Variants in TMEM131L observed in about 807,000 individuals in gnomAD.
The protein encoded by TMEM131L is transmembrane protein 131-like.
TMEM131L carries 54 observed loss-of-function variants against 192.2 expected under a neutral mutation model. The observed-to-expected ratio is 0.28, with a 90% CI of 0.23 to 0.35. The LOEUF (loss-of-function observed/expected upper bound fraction) is 0.35. Ranked by LOEUF, TMEM131L falls within the 10% of genes least tolerant of loss-of-function variation. TMEM131L has a pLI of 1.00. For missense variants in TMEM131L, 1,888 were observed against 1,972.9 expected (o/e 0.96, Z 0.82); for synonymous variants, 701 against 704.9 (o/e 0.99, Z 0.09).
chr4:153,481,757 C>G (rs531092755), intron 3 of TMEM131L, among the ~76,000 whole-genome samples: 1 of 152,078 alleles, frequency 6.6e-6, no homozygotes, highest in Admixed American at 6.5e-5. Flanking sequence ...AGTCTTGTCT[C>G]GAACTCCTGG....
At chr4:153,517,276 C>T (rs534550850) in intron 3 of TMEM131L, among the ~76,000 whole-genome samples, 12 of 152,264 alleles carry the variant, frequency 7.9e-5, no homozygotes, top group East Asian at 1.9e-4. Flanking sequence ...CTTCCTGTGC[C>T]GCCTCCAGAC....
At chr4:153,585,716 C>T (rs1305281482) in intron 13 of TMEM131L, 105 bp downstream of exon 13, 1 of 660,990 alleles carries the variant, frequency 1.5e-6, no homozygotes, top group Non-Finnish European at 2.2e-6. Flanking sequence ...ATTCCAAATG[C>T]TATGAAGTTA....
chr4:153,582,419 CGTTTTTTTTT>C (rs1730401851), intron 9 of TMEM131L, among the ~76,000 whole-genome samples: 1 of 117,998 alleles, frequency 8.5e-6, no homozygotes, highest in African/African-American at 3.8e-5. Flanking sequence ...TAATTTAAAC[CGTTTTTTTTT>C]GTTGTTTTTT....
At chr4:153,487,719 TGAGAGAGA>T (rs1554020496) in intron 3 of TMEM131L, among the ~76,000 whole-genome samples, 16 of 143,530 alleles carry the variant, frequency 1.1e-4, no homozygotes, top group Middle Eastern at 3.4e-3. Flanking sequence ...TGTGTGTGTG[TGAGAGAGA>T]GAGAGAGAGA....
intron 3 of TMEM131L, among the ~76,000 whole-genome samples, chr4:153,505,732 C>G (rs1197051899): frequency 1.3e-5 from 2 of 152,046 alleles, no homozygotes; most frequent in African/African-American, 4.8e-5. Context: ...ATCTTATACC[C>G]CTAAATGAGT....
chr4:153,491,642 A>G (rs948999056), intron 3 of TMEM131L, among the ~76,000 whole-genome samples: 1 of 152,100 alleles, frequency 6.6e-6, no homozygotes, highest in African/African-American at 2.4e-5. Flanking sequence ...TACACATTTA[A>G]TATAATTAGT....
intron 14 of TMEM131L, 45 bp from the exon 15 acceptor site, chr4:153,587,697 T>G (rs1298195068): frequency 5.9e-6 from 8 of 1,359,086 alleles, no homozygotes; most frequent in Non-Finnish European, 8.4e-6. Context: ...ATTTTTATGT[T>G]TAGTGCTGTG....
chr4:153,477,450 C>T (rs112144159), intron 3 of TMEM131L, among the ~76,000 whole-genome samples: 1,733 of 152,258 alleles, frequency 0.011, 31 homozygotes, highest in African/African-American at 0.039. Context: ...TTATTCAGCA[C>T]TAGTTTCTTT....
intron 3 of TMEM131L, among the ~76,000 whole-genome samples, chr4:153,491,112 G>A (rs1452466336): frequency 6.6e-6 from 1 of 152,136 alleles, no homozygotes; most frequent in East Asian, 1.9e-4. Context: ...CAGATATCAA[G>A]TAACCTGATC....
At chr4:153,525,499 C>T (rs1164503615) in intron 3 of TMEM131L, among the ~76,000 whole-genome samples, 1 of 152,072 alleles carries the variant, frequency 6.6e-6, no homozygotes, top group Non-Finnish European at 1.5e-5. Context: ...GCCACCACAC[C>T]TGGCTAATTT....
chr4:153,600,327 A>G lies in TMEM131L; in HGVS notation c.2266+1595A>G, dbSNP rs539544539. On this transcript the variant is annotated intron_variant, in intron 21 of 34. Coordinates refer to ENST00000409959, the MANE Select transcript of TMEM131L (RefSeq NM_001131007.2). ...GTCTGCAGTGAGCTACGATCATGCC[A>G]CTGCACTCCAGCGTGGGTGACAGAG... Among the ~76,000 whole-genome samples the G allele has an allele frequency of 6.6e-5, 10 of 151,852 alleles. No individual in the cohort carries two copies. In the South Asian group the frequency reaches 2.1e-3, roughly 32 times the overall value.
chr4:153,566,623 G>T lies in TMEM131L; in HGVS notation c.660+8255G>T, dbSNP rs535393444. ...TAAGGATATTTTGGGATTATCAGAAGGTATAATGTGATTATAAGAAAACAT... is the reference window on the plus strand; with the variant it reads ...TAAGGATATTTTGGGATTATCAGAATGTATAATGTGATTATAAGAAAACAT... On this transcript the variant is annotated intron_variant, in intron 7 of 34. Transcript: ENST00000409959. Among the ~76,000 whole-genome samples the T allele has an allele frequency of 1.3e-4, 20 of 151,698 alleles. No individual in the cohort carries two copies. The South Asian group carries it at 3.6e-3, about 27-fold the overall frequency.
At chr4:153,488,756 C>T (rs781322925) in intron 3 of TMEM131L, among the ~76,000 whole-genome samples, 39 of 152,288 alleles carry the variant, frequency 2.6e-4, no homozygotes, top group African/African-American at 5.1e-4. Flanking sequence ...CCTCACAGTC[C>T]GGTGGCTGGA....
intron 32 of TMEM131L, 75 bp from the exon 33 acceptor site, chr4:153,634,116 TA>T: frequency 8.0e-7 from 1 of 1,249,464 alleles, no homozygotes. Flanking sequence ...TGCTAGGCAG[TA>T]AAATCATTTT....
chr4:153,568,427 C>T (rs1729368001), intron 7 of TMEM131L, among the ~76,000 whole-genome samples: 1 of 152,210 alleles, frequency 6.6e-6, no homozygotes, highest in Non-Finnish European at 1.5e-5. Context: ...TTTACCTTGT[C>T]TCTTTTTATT....
chr4:153,612,819 T>C (rs1037930903), intron 26 of TMEM131L, among the ~76,000 whole-genome samples: 22 of 152,256 alleles, frequency 1.4e-4, no homozygotes, highest in African/African-American at 4.6e-4. Flanking sequence ...ATTCATGATA[T>C]AATAGAAGAA....
chr4:153,629,677 G>T (rs2083291), intron 31 of TMEM131L, among the ~76,000 whole-genome samples: 26,767 of 148,228 alleles, frequency 0.18, 6,522 homozygotes, highest in African/African-American at 0.55. Flanking sequence ...CCGTGCTGTC[G>T]GGGTCCCTGG....
chr4:153,585,541 G>T lies in TMEM131L; in HGVS notation c.1241G>T (p.Arg414Leu). The T allele has an allele frequency of 6.2e-7, 1 of 1,613,896 alleles. No individual in the cohort carries two copies. Among genetic ancestry groups the T allele is most frequent in the Non-Finnish European group, 8.5e-7 (1 of 1,179,900 alleles). ...NTSGLWSIWY[R>L]NHFDRSVVLN... Reference sequence around the variant, plus strand: ...TCAGGACTTTGGTCAATATGGTACCGCAACCATTTTGACCGTAGTGTTGTA... The same window carrying T: ...TCAGGACTTTGGTCAATATGGTACCTCAACCATTTTGACCGTAGTGTTGTA... The change falls in exon 13 of 35, where the codon CGC becomes CTC. Residue 414 changes from arginine to leucine, a missense_variant. Arg to Leu is a moderately radical substitution (Grantham distance 102). Coordinates refer to ENST00000409959, the MANE Select transcript of TMEM131L (RefSeq NM_001131007.2).
chr4:153,587,417 G>A (rs1730770512), intron 14 of TMEM131L, among the ~76,000 whole-genome samples: 1 of 150,986 alleles, frequency 6.6e-6, no homozygotes, highest in African/African-American at 2.4e-5. Flanking sequence ...TTACAGTTAG[G>A]GTCTCACTCT....
Sources: allele counts gnomAD v4.1 joint callset (sites outside exome capture counted in the v4.1 genomes callset), GRCh38; gene constraint gnomAD v4.1.1; transcripts MANE v1.5; gene names NCBI Gene and HGNC (gene_info 2026-07-23, HGNC 2026-07-21).